Variants in ZNF503 observed in about 807,000 individuals in gnomAD.
ZNF503 encodes the protein zinc finger protein 503.
In ZNF503, 15 loss-of-function variants were observed where a neutral mutation model predicts 34.4. The observed-to-expected ratio is 0.44, with a 90% CI of 0.29 to 0.67. The LOEUF (loss-of-function observed/expected upper bound fraction) is 0.67. Ranked by LOEUF, ZNF503 falls within the 30% of genes least tolerant of loss-of-function variation. ZNF503 has a pLI of 0.13. For synonymous variants in ZNF503, 580 were observed against 456.8 expected (o/e 1.27, Z -3.44); for missense variants, 1,007 against 926.8 (o/e 1.09, Z -1.12).
the ZNF503 span, among the ~76,000 whole-genome samples, chr10:75,350,873 A>G: frequency 9.2e-5 from 14 of 152,114 alleles, no homozygotes; most frequent in Admixed American, 1.3e-4. Context: ...TTCTTTTTAC[A>G]TAAATAATAT....
At chr10:75,319,683 AAGAC>A in the ZNF503 span, among the ~76,000 whole-genome samples, 3 of 152,216 alleles carry the variant, frequency 2.0e-5, no homozygotes, top group Non-Finnish European at 2.9e-5. Flanking sequence ...ATATAATTAA[AAGAC>A]AGAGATTGGC....
the ZNF503 span, among the ~76,000 whole-genome samples, chr10:75,376,944 T>C: frequency 6.6e-6 from 1 of 152,162 alleles, no homozygotes; most frequent in Non-Finnish European, 1.5e-5. Flanking sequence ...ATGTGGGGAT[T>C]ATTACAATTC....
At position 75,398,310 on chromosome 10, in the gene ZNF503, G is replaced by A. The variant is rs1266397310; in HGVS notation, c.*439C>T. The A allele has an allele frequency of 6.4e-6, 1 of 157,452 alleles. No individual in the cohort carries two copies. The highest frequency in any genetic ancestry group is 2.4e-5 in the African/African-American group (1 of 41,602). The allele number at this position is 157,452 out of a possible 1,614,324, so 9.8% of individuals were successfully genotyped here. ...TAATCTACAAGGGATGGGAGGGTTT[G>A]TTTTCCACATTTTTACCCTCAAGTT... On this transcript the variant is annotated 3_prime_UTR_variant, in exon 2 of 2. Transcript: ENST00000372524.
chr10:75,310,198 A>G, the ZNF503 span, among the ~76,000 whole-genome samples: 1 of 152,208 alleles, frequency 6.6e-6, no homozygotes, highest in Non-Finnish European at 1.5e-5. Context: ...GTTAAAAACC[A>G]TGGTCATTAT....
At chr10:75,304,466 C>T in the ZNF503 span, among the ~76,000 whole-genome samples, 1 of 152,138 alleles carries the variant, frequency 6.6e-6, no homozygotes, top group Non-Finnish European at 1.5e-5. Context: ...TCTTCATTCT[C>T]TCTGTAAAAC....
At chr10:75,295,110 G>A in the ZNF503 span, among the ~76,000 whole-genome samples, 2 of 151,886 alleles carry the variant, frequency 1.3e-5, no homozygotes, top group Non-Finnish European at 2.9e-5. The surrounding 1 kb of genome is among the most constrained non-coding windows in gnomAD (Gnocchi z 4.0). Flanking sequence ...TGCGGCGGCC[G>A]GGAGGGGACG....
chr10:75,371,923 G>A, the ZNF503 span, among the ~76,000 whole-genome samples: 2 of 152,030 alleles, frequency 1.3e-5, no homozygotes, highest in South Asian at 2.1e-4. Context: ...TTAAAAAGAG[G>A]GTTTTTTGTT....
chr10:75,350,845 C>G, the ZNF503 span, among the ~76,000 whole-genome samples: 1 of 152,260 alleles, frequency 6.6e-6, no homozygotes, highest in East Asian at 1.9e-4. Context: ...TGAGCCACCG[C>G]GTCCAGCCTG....
chr10:75,379,883 C>T, the ZNF503 span, among the ~76,000 whole-genome samples: 7 of 152,294 alleles, frequency 4.6e-5, no homozygotes, highest in East Asian at 1.4e-3. Context: ...AGAGGCCATC[C>T]AAATGCAAGG....
chr10:75,326,249 T>C, the ZNF503 span, among the ~76,000 whole-genome samples: 2 of 152,236 alleles, frequency 1.3e-5, no homozygotes, highest in Non-Finnish European at 2.9e-5. Flanking sequence ...GTAGATTCTT[T>C]GGAATTTTCT....
At chr10:75,344,772 T>C in the ZNF503 span, among the ~76,000 whole-genome samples, 1 of 152,242 alleles carries the variant, frequency 6.6e-6, no homozygotes, top group African/African-American at 2.4e-5. Context: ...TTCTGGTTGG[T>C]GCCAGCGTCA....
chr10:75,354,041 T>C, the ZNF503 span, among the ~76,000 whole-genome samples: 1 of 152,232 alleles, frequency 6.6e-6, no homozygotes, highest in African/African-American at 2.4e-5. Context: ...TTGAGCTGTC[T>C]TCAGGAGTCT....
chr10:75,342,722 C>G, the ZNF503 span, among the ~76,000 whole-genome samples: 3 of 152,030 alleles, frequency 2.0e-5, no homozygotes, highest in African/African-American at 7.2e-5. Context: ...AGCTTTGATA[C>G]ACGAGTTGTC....
At chr10:75,361,190 A>G in the ZNF503 span, 1 of 152,230 alleles carries the variant, frequency 6.6e-6, no homozygotes. Flanking sequence ...TCTGAGACTT[A>G]GTTTCTTCTG....
At chr10:75,392,040 C>A in the ZNF503 span, among the ~76,000 whole-genome samples, 4 of 152,178 alleles carry the variant, frequency 2.6e-5, no homozygotes, top group Admixed American at 6.5e-5. Flanking sequence ...TAAAGTAGAA[C>A]TTTTGTGTTG....
chr10:75,330,634 C>T, the ZNF503 span, among the ~76,000 whole-genome samples: 1 of 152,038 alleles, frequency 6.6e-6, no homozygotes, highest in African/African-American at 2.4e-5. Flanking sequence ...AATTTGTTGG[C>T]ATATAGTTGT....
chr10:75,324,704 C>T, the ZNF503 span, among the ~76,000 whole-genome samples: 1 of 152,196 alleles, frequency 6.6e-6, no homozygotes, highest in Admixed American at 6.5e-5. Context: ...ATAATATTCA[C>T]TCCTTTAAAT....
At chr10:75,292,520 C>T in the ZNF503 span, among the ~76,000 whole-genome samples, 2 of 152,172 alleles carry the variant, frequency 1.3e-5, no homozygotes, top group African/African-American at 4.8e-5. Context: ...GGGGTCCTAG[C>T]CTTACTATAC....
At chr10:75,321,611 T>C in the ZNF503 span, among the ~76,000 whole-genome samples, 1 of 152,222 alleles carries the variant, frequency 6.6e-6, no homozygotes, top group African/African-American at 2.4e-5. Context: ...AAAGTTGCTT[T>C]TGTTATGGAT....
Sources: gnomAD v4.1 joint callset for allele counts (sites outside exome capture counted in the v4.1 genomes callset) on GRCh38, gnomAD v4.1.1 for gene constraint, Gnocchi (gnomAD v3.1) non-coding constraint, MANE v1.5 for transcripts, NCBI Gene and HGNC (gene_info 2026-07-23, HGNC 2026-07-21) for gene names.